CDH23: variants seen among roughly 807,000 people sequenced by gnomAD.
CDH23 encodes cadherin related 23.
CDH23 carries 189 observed loss-of-function variants against 317.1 expected under a neutral mutation model. The ratio of observed to expected loss-of-function variants is 0.60; its 90% CI spans 0.53 to 0.67. CDH23 has a LOEUF of 0.67. Ranked by LOEUF, CDH23 falls within the 30% of genes least tolerant of loss-of-function variation. The pLI, the probability that CDH23 is intolerant of heterozygous loss-of-function variation, is 0.00. For synonymous variants in CDH23, 1,839 were observed against 1,876.8 expected (o/e 0.98, Z 0.52); for missense variants, 4,401 against 4,592.4 (o/e 0.96, Z 1.20).
intron 9 of CDH23, among the ~76,000 whole-genome samples, chr10:71,589,463 GAA>G (rs758402809): frequency 6.6e-6 from 1 of 152,166 alleles, no homozygotes. Context: ...GAGGAGAAAA[GAA>G]AGCTTTCTTT....
chr10:71,647,053 C>CT (rs1862929654), intron 14 of CDH23: 1 of 985,320 alleles, frequency 1.0e-6, no homozygotes, highest in Non-Finnish European at 1.2e-6. Flanking sequence ...TGGACTTGCC[C>CT]TTTGACAAGG....
In CDH23 at chr10:71,622,523, G is replaced by A. The variant is rs1217626987; in HGVS notation, c.1134+5130G>A. Among the ~76,000 whole-genome samples, 6 of 152,266 alleles carry A rather than the reference G, an allele frequency of 3.9e-5. No homozygotes were observed. The East Asian group carries it at 5.8e-4, about 15-fold the overall frequency. ...AGACTAGCAGAAGGGGGCGGGGGACGGAGGCAGGGTGGCTCGGAGACCATC... is the reference window on the plus strand; with the variant it reads ...AGACTAGCAGAAGGGGGCGGGGGACAGAGGCAGGGTGGCTCGGAGACCATC... On this transcript the variant is annotated intron_variant, in intron 11 of 69. Coordinates refer to ENST00000224721, the MANE Select transcript of CDH23 (RefSeq NM_022124.6).
At chr10:71,648,897 CAG>C (rs946424533) in intron 14 of CDH23, among the ~76,000 whole-genome samples, 2 of 152,142 alleles carry the variant, frequency 1.3e-5, no homozygotes, top group Admixed American at 1.3e-4. Context: ...CCCATTTCAT[CAG>C]GTAACAGCTC....
intron 69 of CDH23, among the ~76,000 whole-genome samples, chr10:71,813,931 G>A (rs978450467): frequency 2.0e-5 from 3 of 152,164 alleles, no homozygotes; most frequent in Non-Finnish European, 4.4e-5. Flanking sequence ...AAAGAAACTG[G>A]CCGTCAGGGT....
At chr10:71,806,122 T>C in intron 56 of CDH23, 46 bp from the exon 57 acceptor site, 1 of 1,537,462 alleles carries the variant, frequency 6.5e-7, no homozygotes, top group Non-Finnish European at 8.8e-7. Flanking sequence ...CCCAAGCCAA[T>C]CCCCTCTCCC....
Position 71,544,174 on chromosome 10 carries a change from T to C in CDH23, c.430-22568T>C, listed in dbSNP as rs1279616035. 2.0e-5 allele frequency among the ~76,000 whole-genome samples: 3 copies of C among 152,240 alleles called. No homozygotes were observed. The East Asian group carries it at 5.8e-4, about 29-fold the overall frequency. The stretch of plus-strand genomic sequence containing the variant: ...GAGGTTAGAAGCTAATTTTCCTGGT[T>C]TTTACCGAACTCTGGTCTGCTTGGC... On this transcript the variant is annotated intron_variant, in intron 6 of 69. Coordinates refer to ENST00000224721, the MANE Select transcript of CDH23 (RefSeq NM_022124.6).
At chr10:71,487,873 C>T (rs1852436695) in intron 3 of CDH23, among the ~76,000 whole-genome samples, 1 of 152,236 alleles carries the variant, frequency 6.6e-6, no homozygotes, top group East Asian at 1.9e-4. Flanking sequence ...TGCATAAAAA[C>T]AGCCTACTTC....
chr10:71,785,334 CT>C (rs1841074929), intron 43 of CDH23, among the ~76,000 whole-genome samples: 1 of 152,226 alleles, frequency 6.6e-6, no homozygotes, highest in Non-Finnish European at 1.5e-5. Flanking sequence ...GGGCCAGAGC[CT>C]GTGGGACCAC....
In CDH23 at chr10:71,812,873, C is replaced by T. The variant is rs778711089; in HGVS notation, c.9616C>T (p.Arg3206Cys). 36 of 1,613,464 alleles carry T rather than the reference C, an allele frequency of 2.2e-5. No individual in the cohort carries two copies. In the Admixed American group the frequency reaches 3.8e-4, roughly 17 times the overall value. ...CATTGCCAAGCTGGGCCAGATCATTCGTGAGGGGCCAATCAAGGTGAGCCT... is the reference window on the plus strand; with the variant it reads ...CATTGCCAAGCTGGGCCAGATCATTTGTGAGGGGCCAATCAAGGTGAGCCT... ...DNIAKLGQII[R>C]EGPIKGSLLK... The change falls in exon 68 of 70, where the codon CGT becomes TGT. Residue 3206 changes from arginine to cysteine, a missense_variant. Around this residue, in one of 3 missense-constraint regions of CDH23, gnomAD observed 1,144 missense variants for 1,138.2 expected, o/e 1.01. Coordinates refer to ENST00000224721, the MANE Select transcript of CDH23 (RefSeq NM_022124.6).
At chr10:71,727,336 G>A (rs1197839736) in intron 30 of CDH23, among the ~76,000 whole-genome samples, 1 of 152,210 alleles carries the variant, frequency 6.6e-6, no homozygotes, top group East Asian at 1.9e-4. Context: ...AGCCCAGTCA[G>A]AAACCACTGC....
At chr10:71,439,467 G>T (rs953409921) in intron 1 of CDH23, among the ~76,000 whole-genome samples, 3 of 152,018 alleles carry the variant, frequency 2.0e-5, no homozygotes, top group African/African-American at 7.3e-5. Context: ...TGGTCCTGGA[G>T]GCTGAAGGCA....
At chr10:71,570,672 G>T (rs1857730949) in intron 7 of CDH23, 118 bp from the exon 8 acceptor site, 1 of 1,129,830 alleles carries the variant, frequency 8.9e-7, no homozygotes, top group Non-Finnish European at 1.3e-6. Context: ...GTGTGTGCGT[G>T]TGCATGTGTT....
intron 61 of CDH23, 68 bp from the exon 62 acceptor site, chr10:71,810,404 A>G: frequency 7.0e-7 from 1 of 1,428,762 alleles, no homozygotes; most frequent in Admixed American, 1.7e-5. Flanking sequence ...GGTTCCTAAA[A>G]GAGGCCTGCC....
intron 2 of CDH23, among the ~76,000 whole-genome samples, chr10:71,441,890 ACCT>A (rs1301974130): frequency 6.6e-6 from 1 of 152,050 alleles, no homozygotes; most frequent in African/African-American, 2.4e-5. Flanking sequence ...GCCAGAGCTG[ACCT>A]CCTGTCTTCC....
chr10:71,466,181 C>G (rs539928037), intron 3 of CDH23, among the ~76,000 whole-genome samples: 2 of 152,280 alleles, frequency 1.3e-5, no homozygotes, highest in South Asian at 4.2e-4. Flanking sequence ...ATGTGCCCGT[C>G]TGTGTGTGTG....
chr10:71,679,310 C>T (rs966058892), intron 16 of CDH23, 77 bp from the exon 17 acceptor site: 4 of 639,818 alleles, frequency 6.3e-6, no homozygotes, highest in Admixed American at 4.3e-5. Flanking sequence ...GTCTTCCCCA[C>T]CCTCCCAGCT....
At chr10:71,566,232 G>A (rs1209293680) in intron 6 of CDH23, among the ~76,000 whole-genome samples, 1 of 152,122 alleles carries the variant, frequency 6.6e-6, no homozygotes, top group Admixed American at 6.5e-5. Flanking sequence ...TGCTGATGGG[G>A]GCAAATCCAC....
chr10:71,592,508 T>C (rs1859560817), intron 9 of CDH23, among the ~76,000 whole-genome samples: 1 of 152,146 alleles, frequency 6.6e-6, no homozygotes, highest in Non-Finnish European at 1.5e-5. Flanking sequence ...CTTCCACCTC[T>C]TCTGGTGGCT....
intron 29 of CDH23, among the ~76,000 whole-genome samples, chr10:71,724,888 C>G (rs570339541): frequency 3.0e-4 from 46 of 152,330 alleles, no homozygotes; most frequent in Admixed American, 3.0e-3. Flanking sequence ...AAAGAAAAAT[C>G]AGGGTGCTGT....
Sources: allele counts gnomAD v4.1 joint callset (sites outside exome capture counted in the v4.1 genomes callset), GRCh38; gene constraint gnomAD v4.1.1; regional missense constraint gnomAD v4.1.1; transcripts MANE v1.5; gene names NCBI Gene and HGNC (gene_info 2026-07-23, HGNC 2026-07-21).